The following TNRC6C variants were observed in gnomAD, a reference collection of about 807,000 sequenced individuals.
TNRC6C encodes the protein trinucleotide repeat-containing gene 6C protein.
Under a neutral mutation model 153.7 loss-of-function variants are expected in TNRC6C, and 20 were observed. That is an observed-to-expected ratio of 0.13 (90% CI 0.09 to 0.19). The LOEUF is 0.19. Among genes scored for constraint, TNRC6C ranks in the 10% least tolerant of loss-of-function variants. The pLI is 1.00. For synonymous variants in TNRC6C, 811 were observed against 841.4 expected (o/e 0.96, Z 0.63); for missense variants, 1,987 against 2,172.0 (o/e 0.91, Z 1.69).
At chr17:78,050,136 A>G (rs773441814) in exon 3 of TNRC6C, 10 of 1,598,566 alleles carry the variant, frequency 6.3e-6, no homozygotes, top group Admixed American at 1.7e-5. Context: ...TCAATGGGAA[A>G]GGATCAACAG....
intron 1 of TNRC6C, chr17:78,008,752 ATATT>A (rs1251691764): frequency 6.6e-6 from 1 of 152,218 alleles, no homozygotes; most frequent in Non-Finnish European, 1.5e-5. Flanking sequence ...CAAAAGTTAT[ATATT>A]CTGATTGAAA....
upstream of TNRC6C, chr17:78,004,397 G>T: frequency 5.7e-6 from 6 of 1,045,406 alleles, no homozygotes; most frequent in Non-Finnish European, 7.3e-6. Flanking sequence ...TATAATTAGC[G>T]AATAATAGAT....
intron 1 of TNRC6C, among the ~76,000 whole-genome samples, chr17:77,979,036 C>T (rs1026175031): frequency 6.6e-6 from 1 of 151,986 alleles, no homozygotes; most frequent in Non-Finnish European, 1.5e-5. Context: ...AAGAGGCAGG[C>T]GATAAGGTTA....
exon 20 of TNRC6C, chr17:78,106,107 T>C (rs1198203973): frequency 6.6e-6 from 1 of 150,750 alleles, no homozygotes; most frequent in African/African-American, 2.4e-5. Flanking sequence ...TTGTAAAGAA[T>C]GGATGGTTCC....
In TNRC6C at chr17:78,094,766, G is replaced by A. The variant is rs557965033; in HGVS notation, c.4306+1003G>A. 2.1e-4 allele frequency among the ~76,000 whole-genome samples: 32 copies of A among 152,326 alleles called. No individual in the cohort carries two copies. In the South Asian group the frequency reaches 6.0e-3, roughly 29 times the overall value. On this transcript the variant is annotated intron_variant, in intron 16 of 19. Coordinates refer to ENST00000301624, the Ensembl canonical transcript of TNRC6C. ...CTTCTGTGGTTCTTTAAAGTGATAG[G>A]CTTCTAAATGTGCCTGTGGTTTGGC...
Position 78,104,603 on chromosome 17 carries a change from T to C in TNRC6C, c.4831T>C (p.Ser1611Pro), listed in dbSNP as rs1464539035. ...TTCCAGCTGGCAGTCCAGCAGCGCGTCCAGCCAGCCGCGGCTCAGCGCAGC... is the reference window on the plus strand; with the variant it reads ...TTCCAGCTGGCAGTCCAGCAGCGCGCCCAGCCAGCCGCGGCTCAGCGCAGC... The change falls in exon 20 of 20, where the codon TCC becomes CCC. Residue 1611 changes from serine (S) to proline (P), a missense_variant. Physicochemically the swap from Ser to Pro is moderately conservative, Grantham distance 74. Coordinates refer to ENST00000301624, the Ensembl canonical transcript of TNRC6C. This position sits in a 1 kb window ranked among gnomAD's most constrained non-coding sequence, Gnocchi z 6.2. 5 of 1,552,618 alleles carry C rather than the reference T, an allele frequency of 3.2e-6. No homozygotes were observed. The highest frequency in any genetic ancestry group is 4.4e-6 in the Non-Finnish European group (5 of 1,148,550).
In TNRC6C at chr17:78,104,543, C is replaced by A; in HGVS notation, c.4771C>A (p.Arg1591Ser). 1 of 1,540,826 alleles carries A rather than the reference C, an allele frequency of 6.5e-7. No individual in the cohort carries two copies. The change falls in exon 20 of 20, where the codon CGC becomes AGC. Residue 1591 changes from arginine (R) to serine (S), a missense_variant. Physicochemically the swap from Arg to Ser is moderately radical, Grantham distance 110. Coordinates refer to ENST00000301624, the Ensembl canonical transcript of TNRC6C. This position sits in a 1 kb window ranked among gnomAD's most constrained non-coding sequence, Gnocchi z 6.2. ...GTTCGCTGGTGAAGAAGAAGTGAATCGCTTCTTAGCCCAAGGCCAGGCGCT... is the reference window on the plus strand; with the variant it reads ...GTTCGCTGGTGAAGAAGAAGTGAATAGCTTCTTAGCCCAAGGCCAGGCGCT...
intron 2 of TNRC6C, among the ~76,000 whole-genome samples, chr17:78,042,274 A>G (rs1296711471): frequency 6.6e-6 from 1 of 152,190 alleles, no homozygotes; most frequent in African/African-American, 2.4e-5. Context: ...TTTTAGGGGA[A>G]AAATTATTTG....
chr17:78,031,716 G>A, exon 2 of TNRC6C: 1 of 1,232,302 alleles, frequency 8.1e-7, no homozygotes, highest in South Asian at 4.1e-5. Flanking sequence ...ATTAAAGAGA[G>A]GCCAGCCATT....
At chr17:77,969,494 C>T (rs1439297433) in intron 1 of TNRC6C, among the ~76,000 whole-genome samples, 2 of 152,148 alleles carry the variant, frequency 1.3e-5, no homozygotes, top group Non-Finnish European at 2.9e-5. Flanking sequence ...AGGTGATCCA[C>T]CTGCCTCAGC....
upstream of TNRC6C, among the ~76,000 whole-genome samples, chr17:77,957,968 G>T (rs973676896): frequency 6.6e-6 from 1 of 152,202 alleles, no homozygotes; most frequent in Non-Finnish European, 1.5e-5. Flanking sequence ...CTCCCCGGGG[G>T]ACTGTTTCGC....
At chr17:78,026,000 T>A (rs1398616240) in intron 1 of TNRC6C, among the ~76,000 whole-genome samples, 1 of 152,212 alleles carries the variant, frequency 6.6e-6, no homozygotes, top group East Asian at 1.9e-4. Context: ...ATGAGAAAAC[T>A]GAGGTCTAGG....
chr17:77,995,429 G>C (rs2071313493), intron 1 of TNRC6C, among the ~76,000 whole-genome samples: 1 of 152,178 alleles, frequency 6.6e-6, no homozygotes, highest in Non-Finnish European at 1.5e-5. Context: ...AGCTGGCAAA[G>C]GAAAAATAGT....
intron 11 of TNRC6C, 57 bp from the exon 14 acceptor site, chr17:78,086,446 A>T: frequency 6.7e-7 from 1 of 1,501,676 alleles, no homozygotes; most frequent in Admixed American, 1.8e-5. Context: ...AAGTTGAACC[A>T]TTAGTTCAAC....
At chr17:78,005,145 CT>C (rs954528639) in intron 1 of TNRC6C, 66 bp downstream of exon 3, 6,502 of 973,758 alleles carry the variant, frequency 6.7e-3, no homozygotes, top group Non-Finnish European at 7.4e-3. Flanking sequence ...ACCAGGATGA[CT>C]TTTTTTTTTA....
At chr17:77,996,269 C>T (rs2071327067) in intron 1 of TNRC6C, among the ~76,000 whole-genome samples, 3 of 152,020 alleles carry the variant, frequency 2.0e-5, no homozygotes, top group African/African-American at 7.3e-5. Flanking sequence ...ACTACATTAT[C>T]AAGATTCCTT....
At position 78,104,585 on chromosome 17, in the gene TNRC6C, T is replaced by TGGCAGTCCAGCAGCGCGTCCAGCC; in HGVS notation, c.4814_4837dup (p.Ser1612_Gln1613insArgGlnSerSerSerAlaSerSer). 2 of 1,554,430 alleles carry TGGCAGTCCAGCAGCGCGTCCAGCC rather than the reference T, an allele frequency of 1.3e-6. No homozygotes were observed. Among genetic ancestry groups the TGGCAGTCCAGCAGCGCGTCCAGCC allele is most frequent in the Non-Finnish European group, 1.7e-6 (2 of 1,149,056 alleles). On this transcript the variant is annotated inframe_insertion, in exon 20 of 20. Coordinates refer to ENST00000301624, the Ensembl canonical transcript of TNRC6C. This position sits in a 1 kb window ranked among gnomAD's most constrained non-coding sequence, Gnocchi z 6.2. ...CCAGGCGCTGCCACCCACTTCCAGC[T>TGGCAGTCCAGCAGCGCGTCCAGCC]GGCAGTCCAGCAGCGCGTCCAGCCA... is the stretch of plus-strand genomic sequence containing the variant.
At chr17:78,036,343 G>A (rs922181161) in intron 2 of TNRC6C, among the ~76,000 whole-genome samples, 2 of 152,184 alleles carry the variant, frequency 1.3e-5, no homozygotes, top group African/African-American at 4.8e-5. Context: ...GCACGGTGGA[G>A]ATTTGTGGGC....
At chr17:78,054,246 G>C (rs2072598681) in intron 3 of TNRC6C, among the ~76,000 whole-genome samples, 5 of 152,152 alleles carry the variant, frequency 3.3e-5, no homozygotes, top group Admixed American at 3.3e-4. Flanking sequence ...GTGGCTGTGG[G>C]TGAGTCAGTG....
Sources: gnomAD v4.1 joint callset for allele counts (sites outside exome capture counted in the v4.1 genomes callset) on GRCh38, gnomAD v4.1.1 for gene constraint, Gnocchi (gnomAD v3.1) non-coding constraint, MANE v1.5 for transcripts, NCBI Gene and HGNC (gene_info 2026-07-23, HGNC 2026-07-21) for gene names.